The following RPH3AL variants were observed in gnomAD, a reference collection of about 807,000 sequenced individuals.
RPH3AL encodes the protein rab effector Noc2.
A neutral mutation model predicts 43.1 loss-of-function variants in RPH3AL; 38 were observed. That is an observed-to-expected ratio of 0.88 (90% CI 0.68 to 1.15). The LOEUF is 1.15. Ranked by LOEUF, RPH3AL falls within the 50% of genes most tolerant of loss-of-function variation. The pLI is 0.00. For synonymous variants in RPH3AL, 189 were observed against 176.3 expected, an observed-to-expected ratio of 1.07 and a Z score of -0.57; for missense variants, 462 against 423.2, an observed-to-expected ratio of 1.09 and a Z score of -0.81.
chr17:314,649 G>GCTCCACCTCC (rs2043827099), intron 5 of RPH3AL, among the ~76,000 whole-genome samples: 1 of 21,360 alleles, frequency 4.7e-5, no homozygotes, highest in Non-Finnish European at 2.1e-4. Flanking sequence ...TAGTCCCTGT[G>GCTCCACCTCC]ACTCCACCTC....
chr17:331,457 A>T, intron 2 of RPH3AL: 2 of 758,678 alleles, frequency 2.6e-6, no homozygotes, highest in Non-Finnish European at 3.7e-6. Flanking sequence ...AGGAGAATTC[A>T]GGCCCCGGCT....
At chr17:301,754 G>A (rs1225161258) in intron 5 of RPH3AL, among the ~76,000 whole-genome samples, 1 of 152,136 alleles carries the variant, frequency 6.6e-6, no homozygotes, top group Non-Finnish European at 1.5e-5. Context: ...GCAAAGTCCT[G>A]AGCCGAGCTG....
intron 5 of RPH3AL, among the ~76,000 whole-genome samples, chr17:307,908 T>C (rs2151649269): frequency 6.6e-6 from 1 of 152,338 alleles, no homozygotes; most frequent in Non-Finnish European, 1.5e-5. Flanking sequence ...GCAAGGCAGA[T>C]GTTCCAAGAT....
rs144515245 is a variant in RPH3AL at position 351,660 on chromosome 17, G to A, written c.-213+1052C>T. 2.7e-3 allele frequency among the ~76,000 whole-genome samples: 414 copies of A among 152,124 alleles called. 1 individual carries two copies. The highest frequency in any genetic ancestry group is 4.3e-3 in the Admixed American group (65 of 15,258). On this transcript the variant is annotated intron_variant, in intron 1 of 9. Coordinates refer to ENST00000331302, the MANE Select transcript of RPH3AL (RefSeq NM_006987.4). ...TCCACACGCCACCAGCCATCCCCAC[G>A]TGGCTCCCGTACGATTCTTTACTTA...
intron 7 of RPH3AL, among the ~76,000 whole-genome samples, chr17:240,842 G>A (rs896235990): frequency 2.4e-4 from 36 of 151,690 alleles, no homozygotes; most frequent in East Asian, 3.9e-4. Flanking sequence ...GGAGGATCAC[G>A]AGGTCAGGAG....
At chr17:268,553 GTTTTTT>G (rs5818749) in intron 6 of RPH3AL, among the ~76,000 whole-genome samples, 4 of 74,518 alleles carry the variant, frequency 5.4e-5, no homozygotes, top group African/African-American at 1.1e-4. Context: ...ATGTTTTTGG[GTTTTTT>G]TTTTTTTTTT....
chr17:249,003 C>T (rs989820948), intron 6 of RPH3AL, among the ~76,000 whole-genome samples: 1 of 152,242 alleles, frequency 6.6e-6, no homozygotes, highest in South Asian at 2.1e-4. Context: ...GAGGACTTCT[C>T]AGATGGGACA....
intron 1 of RPH3AL, among the ~76,000 whole-genome samples, chr17:340,583 GC>G (rs2045091764): frequency 2.3e-4 from 1 of 4,260 alleles, no homozygotes; most frequent in Non-Finnish European, 5.8e-4. Context: ...CACACTCACT[GC>G]CCCCCACCCA....
intron 7 of RPH3AL, among the ~76,000 whole-genome samples, chr17:240,798 G>A (rs572427034): frequency 2.3e-3 from 345 of 152,304 alleles, no homozygotes; most frequent in Non-Finnish European, 3.5e-3. Context: ...GGTGGCTCAT[G>A]CCTGTAATCC....
chr17:346,367 G>A (rs1441146359), intron 1 of RPH3AL, among the ~76,000 whole-genome samples: 1 of 135,448 alleles, frequency 7.4e-6, no homozygotes, highest in African/African-American at 2.5e-5. Flanking sequence ...AAAAGAAAGA[G>A]GTTTAATGGA....
Position 321,327 on chromosome 17 carries a change from G to C in RPH3AL, c.166C>G (p.Leu56Val). ...HLSPAEVEAI[L>V]QVIQRAERLD... ...CGCTCTGCCCTCTGGATGACCTGCA[G>C]GATGGCCTCCACCTCCGCCGGGCTG... Residue 56 changes from leucine (L) to valine (V), a missense_variant, in exon 4 of 10, where the codon CTG becomes GTG. Transcript: ENST00000331302. 2 of 1,611,524 alleles carry C rather than the reference G, an allele frequency of 1.2e-6. No individual in the cohort carries two copies. Among genetic ancestry groups the C allele is most frequent in the Non-Finnish European group, 8.5e-7 (1 of 1,179,936 alleles).
At position 289,486 on chromosome 17, in the gene RPH3AL, C is replaced by G. The variant is rs928529036; in HGVS notation, c.352-7632G>C. Among the ~76,000 whole-genome samples the G allele has an allele frequency of 1.3e-5, 2 of 152,200 alleles. No individual in the cohort carries two copies. The highest frequency in any genetic ancestry group is 1.5e-5 in the Non-Finnish European group (1 of 68,038). On this transcript the variant is annotated intron_variant, in intron 5 of 9. Coordinates refer to ENST00000331302, the MANE Select transcript of RPH3AL (RefSeq NM_006987.4). This position sits in a 1 kb window ranked among gnomAD's most constrained non-coding sequence, Gnocchi z 5.2. Reference sequence around the variant, plus strand: ...CCCACACCAAGGCCGCCCAGCAGATCTCTCTACCCCACCGCGCTGTCCTCC... The same window carrying G: ...CCCACACCAAGGCCGCCCAGCAGATGTCTCTACCCCACCGCGCTGTCCTCC...
At position 321,451 on chromosome 17, in the gene RPH3AL, C is replaced by T. The variant is rs554739731; in HGVS notation, c.78-36G>A. On this transcript the variant is annotated intron_variant, in intron 3 of 9. Coordinates refer to ENST00000331302, the MANE Select transcript of RPH3AL (RefSeq NM_006987.4). ...AACAGCACAGACGGCGTGGAGGCCT[C>T]CCCGGTGCAAACTCCGGCAGCCCCT... 4 of 1,527,778 alleles carry T rather than the reference C, an allele frequency of 2.6e-6. No individual in the cohort carries two copies. The Admixed American group carries it at 5.6e-5, about 21-fold the overall frequency. The allele number at this position is 1,527,778 out of a possible 1,614,324, so 94.6% of individuals were successfully genotyped here. A position where few individuals can be genotyped will look rare whatever the true frequency, so the allele number is the denominator to read the frequency against.
intron 7 of RPH3AL, among the ~76,000 whole-genome samples, chr17:233,981 G>A (rs2041298071): frequency 1.1e-5 from 1 of 89,466 alleles, no homozygotes; most frequent in Admixed American, 1.0e-4. Context: ...AGCAGGGAGC[G>A]GCTACTTACC....
chr17:260,787 C>T (rs1421991024), intron 6 of RPH3AL, among the ~76,000 whole-genome samples: 4 of 152,094 alleles, frequency 2.6e-5, no homozygotes, highest in East Asian at 1.9e-4. Flanking sequence ...CCCCAGGACC[C>T]AGCCTCCCTC....
intron 5 of RPH3AL, among the ~76,000 whole-genome samples, chr17:314,511 T>A (rs1159903151): frequency 7.1e-6 from 1 of 140,314 alleles, no homozygotes; most frequent in Non-Finnish European, 1.6e-5. Flanking sequence ...CCACGTCCAT[T>A]GACCTGTAGT....
At chr17:263,565 TA>T (rs1206648017) in intron 6 of RPH3AL, among the ~76,000 whole-genome samples, 1 of 152,214 alleles carries the variant, frequency 6.6e-6, no homozygotes, top group Non-Finnish European at 1.5e-5. Context: ...TTACTTTGAT[TA>T]AAATTAAAAT....
Position 213,387 on chromosome 17 carries a change from C to T in RPH3AL, c.*465G>A, listed in dbSNP as rs2040716667. Reference sequence around the variant, plus strand: ...AGGGAGAGGGAGAGGGTGGGTGAGTCTCCCCCTCACTGCTCTGGCTCTGAT... The same window carrying T: ...AGGGAGAGGGAGAGGGTGGGTGAGTTTCCCCCTCACTGCTCTGGCTCTGAT... On this transcript the variant is annotated 3_prime_UTR_variant, in exon 10 of 10. Transcript: ENST00000331302. The T allele has an allele frequency of 5.3e-6, 1 of 189,610 alleles. No homozygotes were observed. Among genetic ancestry groups the T allele is most frequent in the East Asian group, 1.7e-4 (1 of 5,992 alleles). 11.7% of individuals were successfully genotyped at this position (189,610 alleles called of 1,614,324 possible).
intron 6 of RPH3AL, among the ~76,000 whole-genome samples, chr17:263,297 G>T (rs556340389): frequency 6.6e-6 from 1 of 152,140 alleles, no homozygotes; most frequent in African/African-American, 2.4e-5. Flanking sequence ...TCAAAGAGCC[G>T]AAAGTAATAA....
Sources: allele counts gnomAD v4.1 joint callset (sites outside exome capture counted in the v4.1 genomes callset), GRCh38; gene constraint gnomAD v4.1.1; non-coding constraint Gnocchi (gnomAD v3.1); transcripts MANE v1.5; gene names NCBI Gene and HGNC (gene_info 2026-07-23, HGNC 2026-07-21).